DNAJC17: variants seen among roughly 807,000 people sequenced by gnomAD.
The protein encoded by DNAJC17 is dnaJ homolog subfamily C member 17.
In DNAJC17, 35 loss-of-function variants were observed where a neutral mutation model predicts 48.1. The ratio of observed to expected loss-of-function variants is 0.73; its 90% confidence interval spans 0.56 to 0.96. DNAJC17 has a LOEUF of 0.96. Ranked by LOEUF, DNAJC17 falls within the 50% of genes least tolerant of loss-of-function variation. DNAJC17 has a pLI of 0.00. For synonymous variants in DNAJC17, 117 were observed against 142.7 expected, an observed-to-expected ratio of 0.82 and a Z score of 1.28; for missense variants, 355 against 377.1, an observed-to-expected ratio of 0.94 and a Z score of 0.48.
Position 40,770,173 on chromosome 15 carries a change from C to A in DNAJC17, c.793-2111G>T. ...CACCTCTGCCTCCGCCGGAGCTGCC[C>A]TCATTCTGGCTCCAGTAAGTGCTGC... is the stretch of plus-strand genomic sequence containing the variant. On this transcript the variant is annotated intron_variant, in intron 10 of 10. Coordinates refer to ENST00000220496, the MANE Select transcript of DNAJC17 (RefSeq NM_018163.3). The surrounding 1 kb of genome is among the most constrained non-coding windows in gnomAD (Gnocchi z 5.0). The A allele has an allele frequency of 3.5e-6, 1 of 284,948 alleles. No homozygotes were observed. The allele number at this position is 284,948 out of a possible 1,614,324, so 17.7% of individuals were successfully genotyped here.
chr15:40,766,054 C>T lies in DNAJC17; in HGVS notation c.*1886G>A. On this transcript the variant is annotated 3_prime_UTR_variant, in exon 11 of 11. Transcript: ENST00000220496. ...CCTGCCTGCATCCTGGGGCTCTGTT[C>T]TCCGGAGGAGTTGGTCCCATCTGTA... 4.2e-6 allele frequency: 2 copies of T among 474,848 alleles called. No individual in the cohort carries two copies. The highest frequency in any genetic ancestry group is 3.4e-5 in the East Asian group (1 of 29,300). The allele number at this position is 474,848 out of a possible 1,614,324, so 29.4% of individuals were successfully genotyped here. A position where few individuals can be genotyped will look rare whatever the true frequency, so the allele number is the denominator to read the frequency against.
intron 10 of DNAJC17, chr15:40,771,469 G>A: frequency 5.1e-6 from 1 of 194,636 alleles, no homozygotes; most frequent in Non-Finnish European, 1.2e-5. Context: ...GGAAGCCACT[G>A]TCAACAGAGA....
At chr15:40,804,154 G>C (rs936561009) in intron 1 of DNAJC17, among the ~76,000 whole-genome samples, 6 of 151,382 alleles carry the variant, frequency 4.0e-5, no homozygotes, top group African/African-American at 9.7e-5. Context: ...TATAGAGAGA[G>C]AGACAGGCTC....
At position 40,775,562 on chromosome 15, in the gene DNAJC17, G is replaced by A. The variant is rs763687312; in HGVS notation, c.513C>T (p.Pro171=). ...TCCTGCCCAGGCTCACCTTTAGTTT[G>A]GGGGTTCCTTGGCCTTCAGTATTTT... ...KAENTEGQGT[P]KLKLKWKCKK... is the part of the protein sequence containing the mutation. Residue 171 remains proline, a synonymous_variant, in exon 7 of 11, where the codon CCC becomes CCT. Transcript: ENST00000220496. The A allele has an allele frequency of 6.2e-6, 10 of 1,613,954 alleles. No individual in the cohort carries two copies. The highest frequency in any genetic ancestry group is 8.5e-6 in the Non-Finnish European group (10 of 1,180,004).
In DNAJC17 at chr15:40,767,239, G is replaced by A. The variant is rs1235015789; in HGVS notation, c.*701C>T. On this transcript the variant is annotated 3_prime_UTR_variant, in exon 11 of 11. Coordinates refer to ENST00000220496, the MANE Select transcript of DNAJC17 (RefSeq NM_018163.3). ...GTCTCTTTGCAGTTATGAATACTAC[G>A]TCGATGACCCTCCCCGCATAGTCCT... 3.8e-6 allele frequency: 6 copies of A among 1,570,406 alleles called. No individual in the cohort carries two copies. The highest frequency in any genetic ancestry group is 1.4e-5 in the African/African-American group (1 of 72,428).
intron 1 of DNAJC17, among the ~76,000 whole-genome samples, chr15:40,785,644 A>G (rs1340553823): frequency 6.6e-6 from 1 of 152,194 alleles, no homozygotes; most frequent in Non-Finnish European, 1.5e-5. Flanking sequence ...CAGGATGCCA[A>G]TTGGACAGGA....
chr15:40,768,967 A>G (rs1348803236), intron 10 of DNAJC17, among the ~76,000 whole-genome samples: 6 of 152,248 alleles, frequency 3.9e-5, no homozygotes, highest in South Asian at 2.1e-4. Context: ...GGTACCCCGC[A>G]TGGGGACGCT....
chr15:40,771,208 C>A, intron 10 of DNAJC17: 2 of 641,216 alleles, frequency 3.1e-6, no homozygotes, highest in East Asian at 5.5e-5. Context: ...CCTGGACAGT[C>A]CTTCCAGGCA....
intron 2 of DNAJC17, 134 bp downstream of exon 2, chr15:40,779,794 C>T: frequency 8.6e-7 from 1 of 1,164,814 alleles, no homozygotes; most frequent in Non-Finnish European, 1.2e-6. Context: ...AGGAGGGAAG[C>T]CCTGGGACCC....
At position 40,768,004 on chromosome 15, in the gene DNAJC17, G is replaced by A. The variant is rs1888997749; in HGVS notation, c.851C>T (p.Ala284Val). ...TGCGATCAGCTGTTGCCGCTCGGCC[G>A]CCTGGCGCATGCGCATCATGACGAG... ...ESLVMMRMRQAAERQQLIARM... is the reference protein window; with the variant it reads ...ESLVMMRMRQVAERQQLIARM... Residue 284 changes from alanine to valine, a missense_variant, in exon 11 of 11, where the codon GCG becomes GTG. Around this residue, in one of 3 missense-constraint regions of DNAJC17, gnomAD observed 88 missense variants for 67.7 expected, o/e 1.30. Coordinates refer to ENST00000220496, the MANE Select transcript of DNAJC17 (RefSeq NM_018163.3). The A allele has an allele frequency of 1.9e-6, 3 of 1,603,816 alleles. No individual in the cohort carries two copies. Among genetic ancestry groups the A allele is most frequent in the Non-Finnish European group, 2.5e-6 (3 of 1,176,992 alleles).
At chr15:40,801,609 C>T (rs1306342013) in intron 1 of DNAJC17, among the ~76,000 whole-genome samples, 5 of 151,800 alleles carry the variant, frequency 3.3e-5, no homozygotes, top group African/African-American at 1.2e-4. Context: ...AAAAATTAGC[C>T]GGGCGTGGTG....
At chr15:40,781,819 G>A (rs964904737) in intron 1 of DNAJC17, among the ~76,000 whole-genome samples, 4 of 151,964 alleles carry the variant, frequency 2.6e-5, no homozygotes, top group Non-Finnish European at 4.4e-5. Context: ...CTACTCGAGA[G>A]GCTGAGGCAG....
intron 6 of DNAJC17, among the ~76,000 whole-genome samples, 182 bp from the exon 7 acceptor site, chr15:40,775,778 C>A (rs1202139213): frequency 6.6e-6 from 1 of 152,146 alleles, no homozygotes; most frequent in African/African-American, 2.4e-5. Context: ...GAAGCTGCCA[C>A]CCCAGGGGTG....
At chr15:40,768,201 C>CCAGGCGAACA (rs2141942653) in intron 10 of DNAJC17, 139 bp from the exon 11 acceptor site, 1 of 1,223,810 alleles carries the variant, frequency 8.2e-7, no homozygotes, top group Non-Finnish European at 1.1e-6. Context: ...GAACCCGGAG[C>CCAGGCGAACA]ATCCTTTTGG....
At chr15:40,778,309 A>G (rs1326629659) in intron 4 of DNAJC17, among the ~76,000 whole-genome samples, 1 of 152,078 alleles carries the variant, frequency 6.6e-6, no homozygotes, top group Non-Finnish European at 1.5e-5. Context: ...GCTAGAGCAC[A>G]GCAGCGTGAT....
At chr15:40,779,443 G>A in intron 3 of DNAJC17, 102 bp downstream of exon 3, 1 of 1,568,080 alleles carries the variant, frequency 6.4e-7, no homozygotes, top group Non-Finnish European at 8.8e-7. Flanking sequence ...GGCTTAGACA[G>A]CAAGGACTGT....
Position 40,774,371 on chromosome 15 carries a change from T to C in DNAJC17, c.666A>G (p.Ala222=). The part of the protein sequence containing the change: ...KKPGTAVVEF[A]TVKAAELAVQ... ...CAGCACTCACCGCTGCCTTGACGGT[T>C]GCAAACTCCACCACAGCAGTGCCTG... Residue 222 remains alanine, a synonymous_variant, in exon 9 of 11, where the codon GCA becomes GCG. Coordinates refer to ENST00000220496, the MANE Select transcript of DNAJC17 (RefSeq NM_018163.3). 3 of 1,614,002 alleles carry C rather than the reference T, an allele frequency of 1.9e-6. No homozygotes were observed. The highest frequency in any genetic ancestry group is 2.5e-6 in the Non-Finnish European group (3 of 1,180,018).
chr15:40,806,079 G>A (rs575024080), intron 1 of DNAJC17, among the ~76,000 whole-genome samples: 67 of 152,244 alleles, frequency 4.4e-4, no homozygotes, highest in Non-Finnish European at 8.1e-4. Context: ...ACAGATTTGT[G>A]CAGGTTGACA....
chr15:40,787,329 T>C (rs1279934100), intron 1 of DNAJC17, among the ~76,000 whole-genome samples: 1 of 152,210 alleles, frequency 6.6e-6, no homozygotes, highest in Non-Finnish European at 1.5e-5. Context: ...AAATATCTGT[T>C]GCATGAATTG....
Sources: allele counts gnomAD v4.1 joint callset (sites outside exome capture counted in the v4.1 genomes callset), GRCh38; gene constraint gnomAD v4.1.1; regional missense constraint gnomAD v4.1.1; non-coding constraint Gnocchi (gnomAD v3.1); transcripts MANE v1.5; gene names NCBI Gene and HGNC (gene_info 2026-07-23, HGNC 2026-07-21).